The following PTPDC1 variants were observed in gnomAD, a reference collection of about 807,000 sequenced individuals.
PTPDC1 encodes protein tyrosine phosphatase domain containing 1, also known as protein tyrosine phosphatase domain-containing protein 1.
Under a neutral mutation model 75.3 loss-of-function variants are expected in PTPDC1, and 53 were observed. That is an observed-to-expected ratio of 0.70 (90% CI 0.56 to 0.88). PTPDC1 has a LOEUF of 0.88. Ranked by LOEUF, PTPDC1 falls within the 40% of genes least tolerant of loss-of-function variation. The pLI, the probability that PTPDC1 is intolerant of heterozygous loss-of-function variation, is 0.00. For missense variants in PTPDC1, 925 were observed against 998.6 expected (o/e 0.93, Z 0.99); for synonymous variants, 349 against 366.2 (o/e 0.95, Z 0.54).
Position 94,101,565 on chromosome 9 carries a change from G to T in PTPDC1, c.2014-1G>T. 1 of 1,611,136 alleles carries T rather than the reference G, an allele frequency of 6.2e-7. No homozygotes were observed. Among genetic ancestry groups the T allele is most frequent in the South Asian group, 1.1e-5 (1 of 90,626 alleles). ...GTCTGTCTCTTTCTCTTCCTTTTTAGAAAGAGCTTAATTCCCGAGATGGAG... is the reference window on the plus strand; with the variant it reads ...GTCTGTCTCTTTCTCTTCCTTTTTATAAAGAGCTTAATTCCCGAGATGGAG... On this transcript the variant is annotated splice_acceptor_variant, in intron 6 of 8. Transcript: ENST00000620992. LOFTEE classifies it high-confidence loss of function.
chr9:94,064,706 T>A, intron 1 of PTPDC1: 1 of 1,571,978 alleles, frequency 6.4e-7, no homozygotes, highest in Non-Finnish European at 8.7e-7. Context: ...CAAGGCAAAC[T>A]TTCAAAAAAT....
chr9:94,104,166 A>T (rs1224727717), intron 7 of PTPDC1, 109 bp from the exon 8 acceptor site: 8 of 599,148 alleles, frequency 1.3e-5, no homozygotes, highest in Admixed American at 2.7e-5. Flanking sequence ...GGCATTTGAC[A>T]TTATGAGTAC....
At position 94,108,003 on chromosome 9, in the gene PTPDC1, G is replaced by A. The variant is rs1039448798; in HGVS notation, c.*59G>A. On this transcript the variant is annotated 3_prime_UTR_variant, in exon 9 of 9. Coordinates refer to ENST00000620992, the MANE Select transcript of PTPDC1 (RefSeq NM_001253829.2). ...ATCCAGATAGTATCTCTGTTCATAT[G>A]TGAATAAGTTGAAGATTGTGGGGCT... The A allele has an allele frequency of 1.0e-6, 1 of 958,814 alleles. No individual in the cohort carries two copies. The highest frequency in any genetic ancestry group is 3.5e-5 in the Admixed American group (1 of 28,468). 59.4% of individuals were successfully genotyped at this position (958,814 alleles called of 1,614,324 possible). A position where few individuals can be genotyped will look rare whatever the true frequency, so the allele number is the denominator to read the frequency against.
chr9:94,040,878 T>C (rs1180914131), intron 1 of PTPDC1, among the ~76,000 whole-genome samples: 2 of 152,192 alleles, frequency 1.3e-5, no homozygotes, highest in Non-Finnish European at 2.9e-5. Context: ...CAATTTATAG[T>C]ATTCACTGTC....
chr9:94,073,088 T>C (rs559512545), intron 2 of PTPDC1, among the ~76,000 whole-genome samples: 1 of 152,312 alleles, frequency 6.6e-6, no homozygotes, highest in South Asian at 2.1e-4. Flanking sequence ...TTGTGGAAAA[T>C]TGGTGCCCAT....
intron 1 of PTPDC1, among the ~76,000 whole-genome samples, chr9:94,042,208 A>AT (rs1825445495): frequency 6.6e-6 from 1 of 152,206 alleles, no homozygotes; most frequent in Non-Finnish European, 1.5e-5. Flanking sequence ...CCATACTTCC[A>AT]TAAAAACTAA....
At chr9:94,074,757 C>T (rs1400030587) in intron 2 of PTPDC1, among the ~76,000 whole-genome samples, 1 of 152,184 alleles carries the variant, frequency 6.6e-6, no homozygotes, top group Non-Finnish European at 1.5e-5. Context: ...CTTGGGGCAG[C>T]AGCAGCAGGG....
intron 1 of PTPDC1, among the ~76,000 whole-genome samples, chr9:94,051,440 TC>T (rs1273453317): frequency 1.3e-5 from 2 of 152,212 alleles, no homozygotes; most frequent in African/African-American, 4.8e-5. Context: ...AAATTCTTTA[TC>T]TAGTTTTGGT....
At chr9:94,031,951 A>C (rs1829736395) in intron 1 of PTPDC1, among the ~76,000 whole-genome samples, 2 of 152,234 alleles carry the variant, frequency 1.3e-5, no homozygotes, top group Admixed American at 1.3e-4. Flanking sequence ...CATGCCAGGC[A>C]CTGTTAACAC....
At chr9:94,056,945 GAAAT>G (rs979838215) in intron 1 of PTPDC1, among the ~76,000 whole-genome samples, 5 of 152,184 alleles carry the variant, frequency 3.3e-5, no homozygotes, top group African/African-American at 1.2e-4. Context: ...ACAGGAAATA[GAAAT>G]AAATAATATG....
intron 2 of PTPDC1, among the ~76,000 whole-genome samples, chr9:94,067,959 T>C (rs1302943266): frequency 1.3e-5 from 2 of 152,208 alleles, no homozygotes; most frequent in Admixed American, 6.5e-5. Context: ...AGTTTATTTG[T>C]TGGAGAAAAC....
chr9:94,045,544 T>C (rs944535804), intron 1 of PTPDC1, among the ~76,000 whole-genome samples: 10 of 152,122 alleles, frequency 6.6e-5, no homozygotes, highest in Non-Finnish European at 1.3e-4. Context: ...TTCTAACTGG[T>C]GTGAGATGGT....
At chr9:94,039,653 T>C (rs1240571845) in intron 1 of PTPDC1, among the ~76,000 whole-genome samples, 1 of 152,110 alleles carries the variant, frequency 6.6e-6, no homozygotes, top group African/African-American at 2.4e-5. Flanking sequence ...GGAGGATTAC[T>C]TGAGCCTAGG....
intron 1 of PTPDC1, among the ~76,000 whole-genome samples, chr9:94,042,808 A>G (rs1300919043): frequency 6.6e-6 from 1 of 152,210 alleles, no homozygotes; most frequent in Non-Finnish European, 1.5e-5. Flanking sequence ...TCAAAACTGG[A>G]GTCAGTCCTC....
intron 1 of PTPDC1, among the ~76,000 whole-genome samples, chr9:94,047,023 A>G (rs1368929529): frequency 6.6e-6 from 1 of 152,190 alleles, no homozygotes; most frequent in Non-Finnish European, 1.5e-5. Context: ...ATGTCCTATC[A>G]ATACCTAATT....
At position 94,088,024 on chromosome 9, in the gene PTPDC1, G is replaced by A. The variant is rs370959581; in HGVS notation, c.497+113G>A. ...ATTTTAACAATAGGCAGTGAAGAGT[G>A]TATTTCAAATGAGAAATTAAGATTT... On this transcript the variant is annotated intron_variant, in intron 3 of 8. Transcript: ENST00000620992. The A allele has an allele frequency of 7.5e-5, 108 of 1,435,726 alleles. 1 individual carries two copies. The African/African-American group carries it at 1.3e-3, about 17-fold the overall frequency. 88.9% of individuals were successfully genotyped at this position (1,435,726 alleles called of 1,614,324 possible). A position where few individuals can be genotyped will look rare whatever the true frequency, so the allele number is the denominator to read the frequency against.
At chr9:94,066,876 A>T (rs1208817781) in intron 2 of PTPDC1, among the ~76,000 whole-genome samples, 1 of 152,192 alleles carries the variant, frequency 6.6e-6, no homozygotes, top group African/African-American at 2.4e-5. Context: ...ATTAAAAAAT[A>T]AAAAATAAAA....
intron 7 of PTPDC1, among the ~76,000 whole-genome samples, chr9:94,102,489 G>C (rs1827877573): frequency 6.6e-6 from 1 of 152,050 alleles, no homozygotes; most frequent in Non-Finnish European, 1.5e-5. Context: ...GGGAGAAATT[G>C]TATGAATCCT....
rs1160561170 is a variant in PTPDC1 at position 94,107,865 on chromosome 9, A to G, written c.2348A>G (p.Asn783Ser). 1.2e-6 allele frequency: 2 copies of G among 1,610,498 alleles called. No homozygotes were observed. Among genetic ancestry groups the G allele is most frequent in the Non-Finnish European group, 8.5e-7 (1 of 1,178,652 alleles). Residue 783 changes from asparagine (N) to serine (S), a missense_variant, in exon 9 of 9, where the codon AAC (asparagine) becomes AGC (serine). By Grantham distance (46) the Asn-to-Ser change is conservative. Transcript: ENST00000620992. ...FDSENGPTVY[N>S]TLKKIFKHTL... ...TCTGAAAATGGACCAACAGTTTACA[A>G]CACCCTGAAGAAAATATTTAAGCAC...
Sources: gnomAD v4.1 joint callset for allele counts (sites outside exome capture counted in the v4.1 genomes callset) on GRCh38, gnomAD v4.1.1 for gene constraint, MANE v1.5 for transcripts, NCBI Gene and HGNC (gene_info 2026-07-23, HGNC 2026-07-21) for gene names.